DEPDC1B: variants seen among roughly 807,000 people sequenced by gnomAD.
DEPDC1B encodes the protein DEP domain-containing protein 1B.
A neutral mutation model predicts 66.5 loss-of-function variants in DEPDC1B; 51 were observed. The observed-to-expected ratio is 0.77, with a 90% CI of 0.61 to 0.97. The LOEUF (loss-of-function observed/expected upper bound fraction) is 0.97, where lower values mean the gene tolerates loss of function less well. DEPDC1B is among the 50% of genes least tolerant of loss of function. DEPDC1B has a pLI of 0.00. For synonymous variants in DEPDC1B, 226 were observed against 223.6 expected (o/e 1.01, Z -0.10); for missense variants, 552 against 637.1 (o/e 0.87, Z 1.44).
chr5:60,695,797 T>C (rs1754639779), intron 1 of DEPDC1B, among the ~76,000 whole-genome samples: 1 of 152,158 alleles, frequency 6.6e-6, no homozygotes, highest in South Asian at 2.1e-4. Context: ...TGAAAACTTC[T>C]TTCTTTTTTT....
chr5:60,667,909 A>ATG (rs1753906975), intron 2 of DEPDC1B, among the ~76,000 whole-genome samples: 1 of 91,774 alleles, frequency 1.1e-5, no homozygotes, highest in Admixed American at 1.4e-4. Context: ...TATTTTATAT[A>ATG]TATAAAAAAT....
intron 7 of DEPDC1B, among the ~76,000 whole-genome samples, chr5:60,618,816 C>A (rs953427325): frequency 2.0e-4 from 31 of 152,272 alleles, no homozygotes; most frequent in African/African-American, 7.2e-4. Flanking sequence ...GATACCAAAG[C>A]CTGGCAGAGA....
intron 9 of DEPDC1B, among the ~76,000 whole-genome samples, chr5:60,600,728 G>C (rs573604602): frequency 1.3e-5 from 2 of 152,316 alleles, no homozygotes; most frequent in Admixed American, 6.5e-5. Flanking sequence ...AATCACCATA[G>C]CTCAGCCTTC....
intron 2 of DEPDC1B, among the ~76,000 whole-genome samples, chr5:60,686,702 G>A (rs966262264): frequency 2.6e-5 from 4 of 152,176 alleles, no homozygotes; most frequent in African/African-American, 9.7e-5. Context: ...TTTCCCAGGT[G>A]AGCAAAAGGC....
At chr5:60,642,380 A>G (rs1753209504) in intron 6 of DEPDC1B, among the ~76,000 whole-genome samples, 2 of 152,228 alleles carry the variant, frequency 1.3e-5, no homozygotes, top group Non-Finnish European at 2.9e-5. Context: ...CACAGTGCCT[A>G]TGATATTCAA....
At chr5:60,697,196 AG>A (rs1754675571) in intron 1 of DEPDC1B, among the ~76,000 whole-genome samples, 1 of 152,196 alleles carries the variant, frequency 6.6e-6, no homozygotes, top group African/African-American at 2.4e-5. Context: ...ATTTATCATG[AG>A]TTGGGGCTGT....
In DEPDC1B at chr5:60,610,281, T is replaced by C. The variant is rs570926862; in HGVS notation, c.899-4425A>G. On this transcript the variant is annotated intron_variant, in intron 7 of 10. Transcript: ENST00000265036. ...TTCATAAATCAGAAAATGGTGTCAATAGTCATAAAACCAAATCAATGTACT... is the reference window on the plus strand; with the variant it reads ...TTCATAAATCAGAAAATGGTGTCAACAGTCATAAAACCAAATCAATGTACT... 5.9e-4 allele frequency among the ~76,000 whole-genome samples: 90 copies of C among 152,316 alleles called. 1 individual carries two copies. The highest frequency in any genetic ancestry group is 2.0e-3 in the African/African-American group (82 of 41,582).
chr5:60,647,584 A>C, intron 2 of DEPDC1B, 51 bp from the exon 3 acceptor site: 1 of 1,572,900 alleles, frequency 6.4e-7, no homozygotes. Context: ...GGAGACACAG[A>C]TATTTTAACA....
intron 7 of DEPDC1B, among the ~76,000 whole-genome samples, chr5:60,626,353 G>A (rs1752808244): frequency 2.0e-5 from 3 of 151,990 alleles, no homozygotes; most frequent in Admixed American, 2.0e-4. Context: ...CCACTTTTTG[G>A]CTCTTCTGAG....
intron 2 of DEPDC1B, among the ~76,000 whole-genome samples, chr5:60,668,571 C>T (rs1265507247): frequency 6.6e-6 from 1 of 151,884 alleles, no homozygotes. Context: ...CCACCATGCC[C>T]GGCCCAGAAT....
intron 6 of DEPDC1B, among the ~76,000 whole-genome samples, chr5:60,640,949 T>C (rs1157044906): frequency 1.3e-5 from 2 of 152,226 alleles, no homozygotes; most frequent in Non-Finnish European, 2.9e-5. Flanking sequence ...AGGTTAATCT[T>C]GCCCTTTGGC....
intron 2 of DEPDC1B, among the ~76,000 whole-genome samples, chr5:60,670,212 G>A (rs769319881): frequency 2.4e-4 from 36 of 152,124 alleles, no homozygotes; most frequent in Non-Finnish European, 4.6e-4. Context: ...GTAAAACCCC[G>A]TCTCTACTAA....
chr5:60,598,562 A>T (rs1752139876), intron 10 of DEPDC1B, among the ~76,000 whole-genome samples: 2 of 152,216 alleles, frequency 1.3e-5, no homozygotes, highest in African/African-American at 4.8e-5. Context: ...ATTGTGAGTT[A>T]AAAACGATTC....
At chr5:60,599,923 G>A (rs1021609703) in intron 9 of DEPDC1B, among the ~76,000 whole-genome samples, 3 of 150,454 alleles carry the variant, frequency 2.0e-5, no homozygotes, top group South Asian at 2.1e-4. Flanking sequence ...CTATATTTGT[G>A]TGTGTGTGTG....
At chr5:60,631,970 C>T (rs1193961994) in intron 7 of DEPDC1B, among the ~76,000 whole-genome samples, 1 of 152,182 alleles carries the variant, frequency 6.6e-6, no homozygotes, top group African/African-American at 2.4e-5. Context: ...AAACCCATTC[C>T]TGGTGTACGT....
chr5:60,667,989 T>C (rs1212604611), intron 2 of DEPDC1B, among the ~76,000 whole-genome samples: 1 of 119,524 alleles, frequency 8.4e-6, no homozygotes, highest in Non-Finnish European at 1.6e-5. Context: ...ATAAAATGGA[T>C]ATTATATATA....
intron 7 of DEPDC1B, among the ~76,000 whole-genome samples, chr5:60,620,042 T>G (rs1020676849): frequency 2.3e-4 from 35 of 152,154 alleles, no homozygotes; most frequent in South Asian, 8.3e-4. Context: ...AATGGGGAAA[T>G]GATTCCCTAT....
At chr5:60,699,438 T>C (rs1584113451) in intron 1 of DEPDC1B, among the ~76,000 whole-genome samples, 8 of 12,398 alleles carry the variant, frequency 6.5e-4, no homozygotes, top group African/African-American at 1.4e-3. Context: ...AAAGCTTTTC[T>C]CCCAGAAAAA....
intron 7 of DEPDC1B, among the ~76,000 whole-genome samples, chr5:60,612,557 A>G (rs1264946111): frequency 6.8e-6 from 1 of 147,558 alleles, no homozygotes; most frequent in Non-Finnish European, 1.5e-5. Flanking sequence ...AAGAATAGTA[A>G]GTAATAGTAA....
Sources: allele counts gnomAD v4.1 joint callset (sites outside exome capture counted in the v4.1 genomes callset), GRCh38; gene constraint gnomAD v4.1.1; transcripts MANE v1.5; gene names NCBI Gene and HGNC (gene_info 2026-07-23, HGNC 2026-07-21).